The following PIK3R6 variants were observed in gnomAD, a reference collection of about 807,000 sequenced individuals.
The protein encoded by PIK3R6 is phosphoinositide 3-kinase regulatory subunit 6.
PIK3R6 carries 91 observed loss-of-function variants against 84.9 expected under a neutral mutation model. That is an observed-to-expected ratio of 1.07 (90% CI 0.90 to 1.28). The LOEUF is 1.28. Among genes scored for constraint, PIK3R6 ranks in the 50% most tolerant of loss-of-function variants. The probability of loss-of-function intolerance (pLI) is 0.00; values close to 1 mark genes in which losing one functional copy is unlikely to be tolerated. For missense variants in PIK3R6, 996 were observed against 985.1 expected (o/e 1.01, Z -0.15); for synonymous variants, 416 against 411.4 (o/e 1.01, Z -0.13).
chr17:8,827,710 G>T (rs1046890509), intron 12 of PIK3R6, among the ~76,000 whole-genome samples: 8 of 146,080 alleles, frequency 5.5e-5, no homozygotes, highest in Admixed American at 1.4e-4. Context: ...GGGTGTGTGT[G>T]TATGTGTGTG....
At chr17:8,850,052 C>A (rs189182789) in intron 1 of PIK3R6, among the ~76,000 whole-genome samples, 167 bp from the exon 2 acceptor site, 12 of 152,152 alleles carry the variant, frequency 7.9e-5, no homozygotes, top group Admixed American at 4.6e-4. Flanking sequence ...GCCTGTAATC[C>A]CAGCACGTTG....
At chr17:8,860,546 G>T (rs901670718) in intron 1 of PIK3R6, among the ~76,000 whole-genome samples, 1 of 138,732 alleles carries the variant, frequency 7.2e-6, no homozygotes, top group Non-Finnish European at 1.5e-5. Flanking sequence ...GTGTCAAAAA[G>T]GTTGGGGACC....
chr17:8,814,076 A>C (rs530497638), intron 18 of PIK3R6, among the ~76,000 whole-genome samples: 1 of 152,190 alleles, frequency 6.6e-6, no homozygotes, highest in Admixed American at 6.5e-5. Flanking sequence ...GAAAAACAAA[A>C]CTATCCTAGC....
At chr17:8,830,165 G>A (rs975074021) in intron 9 of PIK3R6, among the ~76,000 whole-genome samples, 1 of 152,154 alleles carries the variant, frequency 6.6e-6, no homozygotes, top group African/African-American at 2.4e-5. Flanking sequence ...GCATCCAGAC[G>A]AGGCAGGAAA....
At chr17:8,832,861 C>T (rs1041434586) in intron 9 of PIK3R6, 28 bp downstream of exon 9, 1 of 1,611,874 alleles carries the variant, frequency 6.2e-7, no homozygotes, top group Non-Finnish European at 8.5e-7. Context: ...GGACTCTTGC[C>T]AAGGCCCCCC....
chr17:8,803,325 T>C lies in PIK3R6; in HGVS notation c.2213A>G (p.Lys738Arg), dbSNP rs555765768. 6.2e-7 allele frequency: 1 copy of C among 1,613,324 alleles called. No homozygotes were observed. The highest frequency in any genetic ancestry group is 1.3e-5 in the African/African-American group (1 of 75,028). Residue 738 changes from lysine to arginine, a missense_variant, in exon 20 of 20, where the codon AAG becomes AGG. Coordinates refer to ENST00000619866, the MANE Select transcript of PIK3R6 (RefSeq NM_001010855.4). The surrounding 1 kb of genome is among the most constrained non-coding windows in gnomAD (Gnocchi z 5.0). ...GQQEVEAIKA[K>R]PKPLLMPINT... ...GATGGGCATCAGAAGGGGCTTGGGC[T>C]TGGCTTTGATTGCTTCCACCTCCTG...
intron 18 of PIK3R6, among the ~76,000 whole-genome samples, chr17:8,815,612 C>G (rs913046406): frequency 6.6e-6 from 1 of 152,000 alleles, no homozygotes; most frequent in Admixed American, 6.6e-5. Context: ...GTCCTAGGAG[C>G]ATTTGCTAAT....
chr17:8,855,943 G>T (rs2089129502), intron 1 of PIK3R6, among the ~76,000 whole-genome samples: 1 of 152,150 alleles, frequency 6.6e-6, no homozygotes, highest in African/African-American at 2.4e-5. Context: ...TGCCTTCAGT[G>T]GGTACGTGAA....
chr17:8,852,896 ATCAAAAT>A (rs2151302065), intron 1 of PIK3R6, among the ~76,000 whole-genome samples: 1 of 152,342 alleles, frequency 6.6e-6, no homozygotes, highest in South Asian at 2.1e-4. Context: ...GACAATATTT[ATCAAAAT>A]TCAAAATATT....
Position 8,835,463 on chromosome 17 carries a change from G to C in PIK3R6, c.462-7C>G. Reference sequence around the variant, plus strand: ...ATCCACGAAGAGGAACACTCTGAGGGCAGAAGCAGAGGGGAGAGGTGGGAT... The same window carrying C: ...ATCCACGAAGAGGAACACTCTGAGGCCAGAAGCAGAGGGGAGAGGTGGGAT... On this transcript the variant is annotated splice_polypyrimidine_tract_variant and splice_region_variant and intron_variant, in intron 7 of 19. Transcript: ENST00000619866. The C allele has an allele frequency of 1.3e-6, 2 of 1,545,920 alleles. No individual in the cohort carries two copies. Among genetic ancestry groups the C allele is most frequent in the Non-Finnish European group, 1.8e-6 (2 of 1,134,412 alleles).
At chr17:8,830,906 C>T (rs947397886) in intron 9 of PIK3R6, among the ~76,000 whole-genome samples, 8 of 150,322 alleles carry the variant, frequency 5.3e-5, no homozygotes, top group Non-Finnish European at 1.0e-4. Context: ...CACTTTGGGA[C>T]GCCGAGGAGG....
At position 8,824,045 on chromosome 17, in the gene PIK3R6, G is replaced by A. The variant is rs577102836; in HGVS notation, c.1516-548C>T. Among the ~76,000 whole-genome samples the A allele has an allele frequency of 1.2e-4, 19 of 152,256 alleles. No individual in the cohort carries two copies. In the East Asian group the frequency reaches 1.7e-3, roughly 14 times the overall value. ...AACACTTTGGGAGGCTGAGGTGGGC[G>A]GGTCACCTGAGGTCAGGAGTTCGAG... On this transcript the variant is annotated intron_variant, in intron 13 of 19. Transcript: ENST00000619866.
At chr17:8,866,342 C>T (rs2089411249) in intron 1 of PIK3R6, among the ~76,000 whole-genome samples, 1 of 152,114 alleles carries the variant, frequency 6.6e-6, no homozygotes, top group Non-Finnish European at 1.5e-5. Flanking sequence ...TCAAGACCAT[C>T]CTGGCTAACA....
In PIK3R6 at chr17:8,803,836, G is replaced by C; in HGVS notation, c.2108+205C>G. ...AATGCAATATCAGCTGCTGCCCTGG[G>C]TATGCCATTCATTTGCCTCGACTTC... On this transcript the variant is annotated intron_variant, in intron 19 of 19. Transcript: ENST00000619866. The surrounding 1 kb of genome is among the most constrained non-coding windows in gnomAD (Gnocchi z 5.0). 1 of 601,716 alleles carries C rather than the reference G, an allele frequency of 1.7e-6. No homozygotes were observed. The highest frequency in any genetic ancestry group is 2.0e-5 in the South Asian group (1 of 50,342). 37.3% of individuals were successfully genotyped at this position (601,716 alleles called of 1,614,324 possible).
In PIK3R6 at chr17:8,828,855, A is replaced by G. The variant is rs2088050779; in HGVS notation, c.1025T>C (p.Ile342Thr). 3.1e-6 allele frequency: 5 copies of G among 1,595,606 alleles called. No homozygotes were observed. The highest frequency in any genetic ancestry group is 1.8e-5 in the Admixed American group (1 of 56,852). ...RVSVLSTDSG[I>T]ERDLPTGADE... ...AGCCCCCGTGGGAAGGTCCCGCTCA[A>G]TGCCGCTGTCAGTGGACAGCACAGA... Residue 342 changes from isoleucine (I) to threonine (T), a missense_variant, in exon 11 of 20, where the codon ATT (isoleucine) becomes ACT (threonine). Transcript: ENST00000619866.
chr17:8,845,162 G>A (rs1032468767), intron 2 of PIK3R6, among the ~76,000 whole-genome samples: 2 of 152,184 alleles, frequency 1.3e-5, no homozygotes, highest in Non-Finnish European at 2.9e-5. Flanking sequence ...TTGATAGAAT[G>A]ATTTGTTTTT....
At chr17:8,822,773 C>A in intron 15 of PIK3R6, 116 bp from the exon 16 acceptor site, 1 of 1,154,016 alleles carries the variant, frequency 8.7e-7, no homozygotes, top group South Asian at 1.4e-5. Flanking sequence ...ATCCATCTCC[C>A]TGGATGGAAA....
chr17:8,854,297 C>T (rs538618894), intron 1 of PIK3R6, among the ~76,000 whole-genome samples: 16 of 152,184 alleles, frequency 1.1e-4, no homozygotes, highest in African/African-American at 2.2e-4. Context: ...TACAGGCACA[C>T]GCCACCATGC....
chr17:8,810,036 A>T (rs1050459088), intron 18 of PIK3R6, among the ~76,000 whole-genome samples: 11 of 152,058 alleles, frequency 7.2e-5, no homozygotes, highest in Non-Finnish European at 1.3e-4. Context: ...TAGCCACTGT[A>T]TTAATCCATT....
Sources: allele counts gnomAD v4.1 joint callset (sites outside exome capture counted in the v4.1 genomes callset), GRCh38; gene constraint gnomAD v4.1.1; non-coding constraint Gnocchi (gnomAD v3.1); transcripts MANE v1.5; gene names NCBI Gene and HGNC (gene_info 2026-07-23, HGNC 2026-07-21).